OSBPL6: variants seen among roughly 807,000 people sequenced by gnomAD.
The protein encoded by OSBPL6 is oxysterol-binding protein-related protein 6.
A neutral mutation model predicts 125.8 loss-of-function variants in OSBPL6; 49 were observed. The observed-to-expected ratio is 0.39, with a 90% CI of 0.31 to 0.49. The LOEUF (loss-of-function observed/expected upper bound fraction) is 0.49. Among genes scored for constraint, OSBPL6 ranks in the 20% least tolerant of loss-of-function variants. The pLI is 0.88. For synonymous variants in OSBPL6, 394 were observed against 391.8 expected, an observed-to-expected ratio of 1.01 and a Z score of -0.07; for missense variants, 986 against 1,135.4, an observed-to-expected ratio of 0.87 and a Z score of 1.89.
At chr2:178,218,259 C>T (rs373951079) in intron 1 of OSBPL6, among the ~76,000 whole-genome samples, 4 of 152,142 alleles carry the variant, frequency 2.6e-5, no homozygotes, top group Non-Finnish European at 5.9e-5. Context: ...GAAATGCCTA[C>T]GTGGTCCATC....
At chr2:178,344,144 C>G in intron 11 of OSBPL6, 1 of 647,556 alleles carries the variant, frequency 1.5e-6, no homozygotes, top group South Asian at 1.9e-5. Flanking sequence ...CCCCTGTGAG[C>G]GCTTTTCGAT....
intron 1 of OSBPL6, among the ~76,000 whole-genome samples, chr2:178,259,952 C>T (rs776193396): frequency 3.3e-5 from 5 of 152,108 alleles, no homozygotes; most frequent in Non-Finnish European, 7.4e-5. Flanking sequence ...TGTGACTGGC[C>T]TTGGTAATTA....
intron 1 of OSBPL6, among the ~76,000 whole-genome samples, chr2:178,261,316 G>A (rs1049229417): frequency 2.0e-5 from 3 of 150,938 alleles, no homozygotes; most frequent in Admixed American, 2.0e-4. Context: ...TGGTGGTCAC[G>A]TAGTTGTATA....
intron 13 of OSBPL6, among the ~76,000 whole-genome samples, chr2:178,371,268 T>A (rs1464464024): frequency 6.6e-6 from 1 of 152,226 alleles, no homozygotes; most frequent in Non-Finnish European, 1.5e-5. Flanking sequence ...GGAACATGTT[T>A]CTGTGTATCA....
intron 12 of OSBPL6, among the ~76,000 whole-genome samples, chr2:178,353,108 C>T (rs1691438599): frequency 6.6e-6 from 1 of 152,158 alleles, no homozygotes; most frequent in Non-Finnish European, 1.5e-5. Context: ...CATCAAAGAC[C>T]AAAGGTAGAT....
intron 1 of OSBPL6, among the ~76,000 whole-genome samples, chr2:178,264,858 CA>C (rs2092178383): frequency 1.3e-5 from 2 of 151,804 alleles, no homozygotes; most frequent in Non-Finnish European, 2.9e-5. Flanking sequence ...GAATACCACC[CA>C]AAAAGTTTGC....
chr2:178,358,009 T>A (rs1691970770), intron 12 of OSBPL6, among the ~76,000 whole-genome samples: 1 of 152,204 alleles, frequency 6.6e-6, no homozygotes. Context: ...CCACCTGTTC[T>A]CACTCATAGG....
At chr2:178,294,918 AT>A (rs1228200111) in intron 2 of OSBPL6, among the ~76,000 whole-genome samples, 1 of 148,874 alleles carries the variant, frequency 6.7e-6, no homozygotes, top group Non-Finnish European at 1.5e-5. Context: ...TCTCTTAGCA[AT>A]TTTCGAGGTC....
At chr2:178,208,109 AC>A (rs1346761874) in intron 1 of OSBPL6, among the ~76,000 whole-genome samples, 1 of 151,980 alleles carries the variant, frequency 6.6e-6, no homozygotes, top group Non-Finnish European at 1.5e-5. Flanking sequence ...ACATGGTGAA[AC>A]CCCATCTCTA....
At chr2:178,252,354 A>G (rs1404981886) in intron 1 of OSBPL6, among the ~76,000 whole-genome samples, 1 of 152,192 alleles carries the variant, frequency 6.6e-6, no homozygotes, top group Non-Finnish European at 1.5e-5. Flanking sequence ...CTGCCATTAT[A>G]GTTCAAAAGC....
At chr2:178,233,296 G>A (rs930272690) in intron 1 of OSBPL6, among the ~76,000 whole-genome samples, 4 of 152,110 alleles carry the variant, frequency 2.6e-5, no homozygotes, top group Admixed American at 1.3e-4. Context: ...GTTAGAAATC[G>A]GGTGGCAACC....
At chr2:178,200,570 A>T (rs1318585953) in intron 1 of OSBPL6, among the ~76,000 whole-genome samples, 2 of 151,842 alleles carry the variant, frequency 1.3e-5, no homozygotes, top group African/African-American at 4.8e-5. Context: ...ACTTCTAAAA[A>T]CTGCCCACAA....
rs149892636 is a variant in OSBPL6, at chr2:178,243,405, A to G, written c.-350-41522A>G. Among the ~76,000 whole-genome samples the G allele has an allele frequency of 8.1e-4, 124 of 152,194 alleles. 1 individual carries two copies. The highest frequency in any genetic ancestry group is 2.9e-3 in the African/African-American group (119 of 41,532). On this transcript the variant is annotated intron_variant, in intron 1 of 24. Coordinates refer to ENST00000190611, the MANE Select transcript of OSBPL6 (RefSeq NM_032523.4). ...TTCAAAACCAATCTTTTGATCCCCT[A>G]CTTGCCAACTAAGCCTGTGCCTCTT...
At chr2:178,312,072 C>T (rs755315639) in intron 3 of OSBPL6, among the ~76,000 whole-genome samples, 1 of 152,056 alleles carries the variant, frequency 6.6e-6, no homozygotes, top group Non-Finnish European at 1.5e-5. Context: ...GCCTTTGCCA[C>T]CTGGGCTCAA....
intron 12 of OSBPL6, among the ~76,000 whole-genome samples, chr2:178,356,165 T>G (rs1691771580): frequency 6.6e-6 from 1 of 152,196 alleles, no homozygotes; most frequent in Admixed American, 6.5e-5. Flanking sequence ...GCATTCCCTT[T>G]GAAAACCAGC....
At chr2:178,321,129 G>A (rs1301136170) in intron 3 of OSBPL6, among the ~76,000 whole-genome samples, 2 of 152,158 alleles carry the variant, frequency 1.3e-5, no homozygotes, top group South Asian at 2.1e-4. Context: ...CCAGCCTGGC[G>A]ATGGAGCAAG....
intron 13 of OSBPL6, among the ~76,000 whole-genome samples, chr2:178,365,195 AACTT>A (rs1234174073): frequency 6.6e-6 from 1 of 152,084 alleles, no homozygotes; most frequent in Admixed American, 6.5e-5. Context: ...ATAAATAAAA[AACTT>A]ATTTAAGTAG....
chr2:178,212,573 C>A (rs937104418), intron 1 of OSBPL6, among the ~76,000 whole-genome samples: 1 of 152,142 alleles, frequency 6.6e-6, no homozygotes, highest in Non-Finnish European at 1.5e-5. Context: ...TACAGCTGGT[C>A]CCAAAGACCG....
At chr2:178,273,066 TG>T (rs2092402896) in intron 1 of OSBPL6, among the ~76,000 whole-genome samples, 1 of 152,160 alleles carries the variant, frequency 6.6e-6, no homozygotes, top group Admixed American at 6.5e-5. Context: ...ATTTAGACTT[TG>T]GAGATGTAAT....
Sources: allele counts gnomAD v4.1 joint callset (sites outside exome capture counted in the v4.1 genomes callset), GRCh38; gene constraint gnomAD v4.1.1; transcripts MANE v1.5; gene names NCBI Gene and HGNC (gene_info 2026-07-23, HGNC 2026-07-21).